The following FSTL5 variants were observed in gnomAD, a reference collection of about 807,000 sequenced individuals.
FSTL5 encodes the protein follistatin like 5.
In FSTL5, 62 loss-of-function variants were observed where a neutral mutation model predicts 89.1. The ratio of observed to expected loss-of-function variants is 0.70; its 90% confidence interval spans 0.57 to 0.86. The LOEUF is 0.86. Ranked by LOEUF, FSTL5 falls within the 40% of genes least tolerant of loss-of-function variation. FSTL5 has a pLI of 0.00. For synonymous variants in FSTL5, 383 were observed against 346.2 expected, an observed-to-expected ratio of 1.11 and a Z score of -1.18; for missense variants, 1,057 against 1,001.6, an observed-to-expected ratio of 1.06 and a Z score of -0.75.
chr4:162,122,527 G>T (rs1731910095), intron 1 of FSTL5, among the ~76,000 whole-genome samples: 1 of 151,794 alleles, frequency 6.6e-6, no homozygotes, highest in African/African-American at 2.4e-5. Flanking sequence ...AGTTTGTTAT[G>T]TTAAATTTCT....
At chr4:162,019,682 C>T (rs1157991339) in intron 3 of FSTL5, among the ~76,000 whole-genome samples, 4 of 151,140 alleles carry the variant, frequency 2.6e-5, no homozygotes, top group African/African-American at 7.3e-5. Context: ...CTTGTCGGAG[C>T]GTTTATAAAG....
intron 3 of FSTL5, among the ~76,000 whole-genome samples, chr4:161,946,239 C>A (rs985074347): frequency 1.7e-4 from 26 of 152,172 alleles, no homozygotes; most frequent in African/African-American, 6.0e-4. Context: ...TTGTCTGGTG[C>A]CTTGTGAACT....
At chr4:161,401,965 T>A (rs1731194206) in intron 15 of FSTL5, among the ~76,000 whole-genome samples, 1 of 152,230 alleles carries the variant, frequency 6.6e-6, no homozygotes, top group African/African-American at 2.4e-5. Flanking sequence ...TTTCTTATTT[T>A]ACTAATTGAT....
rs149478779 is a variant in FSTL5 at position 162,141,976 on chromosome 4, T to C, written c.-17+21639A>G. 2.2e-3 allele frequency among the ~76,000 whole-genome samples: 340 copies of C among 152,262 alleles called. 1 individual carries two copies. The highest frequency in any genetic ancestry group is 7.5e-3 in the African/African-American group (313 of 41,564). The stretch of plus-strand genomic sequence containing the variant: ...ATTCCATCATTGAGAGCAGTGGTTC[T>C]CCACCAAAGGTAATTTTGTCCTGAA... On this transcript the variant is annotated intron_variant, in intron 1 of 15. Coordinates refer to ENST00000306100, the MANE Select transcript of FSTL5 (RefSeq NM_020116.5).
At chr4:161,783,450 A>G (rs1421338717) in intron 4 of FSTL5, among the ~76,000 whole-genome samples, 3 of 151,674 alleles carry the variant, frequency 2.0e-5, no homozygotes, top group African/African-American at 7.3e-5. Context: ...TCACAATACT[A>G]CAATTGCTGG....
chr4:161,694,600 T>A (rs1738071416), intron 6 of FSTL5, among the ~76,000 whole-genome samples: 1 of 152,088 alleles, frequency 6.6e-6, no homozygotes, highest in African/African-American at 2.4e-5. Flanking sequence ...AATGTTAAAG[T>A]CTTCATCTAA....
chr4:162,087,604 G>A lies in FSTL5; in HGVS notation c.126+23667C>T, dbSNP rs143393032. On this transcript the variant is annotated intron_variant, in intron 2 of 15. Coordinates refer to ENST00000306100, the MANE Select transcript of FSTL5 (RefSeq NM_020116.5). ...TGCCCTCACTTGTTGTAGAAATCAT[G>A]AGAGCCACTGGAATTCTGGGGCATT... 1.1e-4 allele frequency among the ~76,000 whole-genome samples: 17 copies of A among 152,240 alleles called. No homozygotes were observed. The East Asian group carries it at 2.1e-3, about 19-fold the overall frequency.
intron 6 of FSTL5, among the ~76,000 whole-genome samples, chr4:161,707,109 G>GT (rs1242754912): frequency 6.6e-6 from 1 of 151,540 alleles, no homozygotes. Context: ...ACACAAATTT[G>GT]TTTTTTTCTG....
chr4:161,680,709 A>AT (rs536123136), intron 6 of FSTL5, among the ~76,000 whole-genome samples: 1 of 151,664 alleles, frequency 6.6e-6, no homozygotes, highest in South Asian at 2.1e-4. Context: ...AGTAAAATAT[A>AT]TTTTTTTATA....
chr4:161,445,427 T>A lies in FSTL5; in HGVS notation c.1841+9577A>T, dbSNP rs1014496900. Among the ~76,000 whole-genome samples the A allele has an allele frequency of 3.0e-4, 45 of 151,368 alleles. 1 individual carries two copies. The highest frequency in any genetic ancestry group is 1.6e-3 in the Admixed American group (25 of 15,224). Reference sequence around the variant, plus strand: ...TATAGACTTAAAATAAAAAATGAATTTTTTAATCTTTTACTTGCATATAGT... The same window carrying A: ...TATAGACTTAAAATAAAAAATGAATATTTTAATCTTTTACTTGCATATAGT... On this transcript the variant is annotated intron_variant, in intron 15 of 15. Transcript: ENST00000306100.
intron 7 of FSTL5, among the ~76,000 whole-genome samples, chr4:161,641,779 C>T (rs552625748): frequency 1.1e-4 from 17 of 152,102 alleles, no homozygotes; most frequent in Admixed American, 2.6e-4. Flanking sequence ...CATGAGCCAC[C>T]GCACCTGGCC....
chr4:161,388,590 C>A (rs1730720898), intron 15 of FSTL5, among the ~76,000 whole-genome samples: 1 of 151,902 alleles, frequency 6.6e-6, no homozygotes, highest in South Asian at 2.1e-4. Flanking sequence ...TAATGGACAA[C>A]CATTAAGGAT....
At chr4:161,724,683 A>G (rs1739331202) in intron 6 of FSTL5, among the ~76,000 whole-genome samples, 1 of 152,230 alleles carries the variant, frequency 6.6e-6, no homozygotes, top group South Asian at 2.1e-4. Context: ...TATCAATCAC[A>G]TGTCCTAGCT....
intron 1 of FSTL5, among the ~76,000 whole-genome samples, chr4:162,141,852 T>A (rs1732758646): frequency 6.6e-6 from 1 of 151,532 alleles, no homozygotes; most frequent in African/African-American, 2.4e-5. Flanking sequence ...ATGGGAGTAC[T>A]GAGGAAGTGT....
intron 2 of FSTL5, among the ~76,000 whole-genome samples, chr4:162,096,258 A>C (rs1168687503): frequency 2.6e-5 from 4 of 151,892 alleles, no homozygotes; most frequent in Non-Finnish European, 5.9e-5. Flanking sequence ...CTAGCTAAAA[A>C]CCATCTGAAA....
At chr4:161,929,239 C>T (rs1301237276) in intron 3 of FSTL5, among the ~76,000 whole-genome samples, 1 of 99,520 alleles carries the variant, frequency 1.0e-5, no homozygotes, top group African/African-American at 3.7e-5. Flanking sequence ...ATTTAATTAG[C>T]TTTGCTTTTT....
chr4:161,852,844 C>T lies in FSTL5; in HGVS notation c.409+67560G>A, dbSNP rs559532508. On this transcript the variant is annotated intron_variant, in intron 4 of 15. Transcript: ENST00000306100. ...GATGGAGCTGGGGTCTGTTGGGGTG[C>T]GTGGGAGGAGGGAGAGCATCAGGAA... Among the ~76,000 whole-genome samples, 6 of 151,954 alleles carry T rather than the reference C, an allele frequency of 3.9e-5. No individual in the cohort carries two copies. The South Asian group carries it at 1.2e-3, about 32-fold the overall frequency.
intron 7 of FSTL5, among the ~76,000 whole-genome samples, chr4:161,655,117 G>T (rs1055592875): frequency 6.6e-6 from 1 of 152,030 alleles, no homozygotes; most frequent in Non-Finnish European, 1.5e-5. Context: ...AGCAAAAAGT[G>T]TCTTTATTGT....
At chr4:161,531,581 T>G (rs567776267) in intron 10 of FSTL5, among the ~76,000 whole-genome samples, 1 of 152,284 alleles carries the variant, frequency 6.6e-6, no homozygotes, top group East Asian at 1.9e-4. Context: ...ATTGACTCAA[T>G]GTAAAGGCGG....
Sources: allele counts gnomAD v4.1 joint callset (sites outside exome capture counted in the v4.1 genomes callset), GRCh38; gene constraint gnomAD v4.1.1; transcripts MANE v1.5; gene names NCBI Gene and HGNC (gene_info 2026-07-23, HGNC 2026-07-21).